The following TTC9B variants were observed in gnomAD, a reference collection of about 807,000 sequenced individuals.
The protein encoded by TTC9B is tetratricopeptide repeat protein 9B.
A neutral mutation model predicts 19.4 loss-of-function variants in TTC9B; 12 were observed. The ratio of observed to expected loss-of-function variants is 0.62; its 90% CI spans 0.40 to 1.00. The LOEUF is 1.00. Ranked by LOEUF, TTC9B falls within the 50% of genes least tolerant of loss-of-function variation. The pLI is 0.00. For missense variants in TTC9B, 316 were observed against 345.2 expected (o/e 0.92, Z 0.67); for synonymous variants, 156 against 158.6 (o/e 0.98, Z 0.12).
chr19:40,217,100 C>T (rs1413565019), intron 2 of TTC9B, 87 bp downstream of exon 2: 7 of 1,445,262 alleles, frequency 4.8e-6, no homozygotes, highest in African/African-American at 4.2e-5. Context: ...TGCTATTCTG[C>T]CCTGATCTTC....
rs74724311 is a variant in TTC9B, at chr19:40,217,094, A to G, written c.610+93T>C. On this transcript the variant is annotated intron_variant, in intron 2 of 2. Coordinates refer to ENST00000311308, the MANE Select transcript of TTC9B (RefSeq NM_152479.6). Reference sequence around the variant, plus strand: ...AGCTCCGCGGGAGGAGGGCTCTGCTATTCTGCCCTGATCTTCCTGCCTGTT... The same window carrying G: ...AGCTCCGCGGGAGGAGGGCTCTGCTGTTCTGCCCTGATCTTCCTGCCTGTT... 7,493 of 1,408,182 alleles carry G rather than the reference A, an allele frequency of 5.3e-3. 38 individuals carry two copies. The highest frequency in any genetic ancestry group is 0.025 in the African/African-American group (1,761 of 70,780). The allele number at this position is 1,408,182 out of a possible 1,614,324, so 87.2% of individuals were successfully genotyped here.
At chr19:40,217,627 G>A (rs1973388043) in intron 1 of TTC9B, 3 of 532,008 alleles carry the variant, frequency 5.6e-6, no homozygotes, top group Non-Finnish European at 9.8e-6. Flanking sequence ...CCGCGCGGGG[G>A]CGAGGGCCGG....
At position 40,217,233 on chromosome 19, in the gene TTC9B, T is replaced by C. The variant is rs778891545; in HGVS notation, c.564A>G (p.Ala188=). The change falls in exon 2 of 3, where the codon GCA becomes GCG. Residue 188 remains alanine (A), a synonymous_variant. Transcript: ENST00000311308. ...CCTCCTGCAGGTAGCGCAGCGCGCG[T>C]GCGTAGTCGCCCAGGTGGTAGAAGG... ...GIAFYHLGDY[A]RALRYLQEAR... is the part of the protein sequence containing the mutation. The C allele has an allele frequency of 1.9e-6, 3 of 1,613,860 alleles. No homozygotes were observed. In the South Asian group the frequency reaches 3.3e-5, roughly 18 times the overall value.
chr19:40,217,053 A>G, intron 2 of TTC9B, 134 bp downstream of exon 2: 1 of 987,006 alleles, frequency 1.0e-6, no homozygotes, highest in East Asian at 2.6e-5. Context: ...TGGGTGGCGC[A>G]GCCCTACCTA....
intron 1 of TTC9B, chr19:40,217,582 A>C (rs891989305): frequency 2.4e-5 from 15 of 624,868 alleles, no homozygotes; most frequent in Non-Finnish European, 3.5e-5. Flanking sequence ...TGGGCGATCC[A>C]CCCAGAGCTG....
rs1285484666 is a variant in TTC9B, at chr19:40,218,033, G to A, written c.349C>T (p.Pro117Ser). The change falls in exon 1 of 3, where the codon CCC (proline) becomes TCC (serine). Residue 117 changes from proline to serine, a missense_variant. Coordinates refer to ENST00000311308, the MANE Select transcript of TTC9B (RefSeq NM_152479.6). The surrounding 1 kb of genome is among the most constrained non-coding windows in gnomAD (Gnocchi z 4.2). ...PAPAPGPTSSPGPARLSEEQR... is the reference protein window; with the variant it reads ...PAPAPGPTSSSGPARLSEEQR... ...TCCTCGCTGAGGCGCGCCGGCCCGG[G>A]GCTGCTGGTGGGCCCGGGGGCGGGG... 1.3e-6 allele frequency: 2 copies of A among 1,484,908 alleles called. No individual in the cohort carries two copies. Among genetic ancestry groups the A allele is most frequent in the Admixed American group, 2.4e-5 (1 of 40,912 alleles). 92.0% of individuals were successfully genotyped at this position (1,484,908 alleles called of 1,614,324 possible).
chr19:40,218,266 T>C lies in TTC9B; in HGVS notation c.116A>G (p.His39Arg). 1.4e-6 allele frequency: 2 copies of C among 1,481,344 alleles called. No homozygotes were observed. The highest frequency in any genetic ancestry group is 1.3e-5 in the South Asian group (1 of 76,396). The allele number at this position is 1,481,344 out of a possible 1,614,324, so 91.8% of individuals were successfully genotyped here. The change falls in exon 1 of 3, where the codon CAT becomes CGT. Residue 39 changes from histidine (H) to arginine (R), a missense_variant. Coordinates refer to ENST00000311308, the MANE Select transcript of TTC9B (RefSeq NM_152479.6). This position sits in a 1 kb window ranked among gnomAD's most constrained non-coding sequence, Gnocchi z 4.2. ...GGTAGGACCGGGACGAGCCGAGCCA[T>C]GGCGGGAGCCCGAGCCTGGGCCCGA... ...PGSGPGSGSRHGSARPGPTPE... is the reference protein window; with the variant it reads ...PGSGPGSGSRRGSARPGPTPE...
At position 40,217,993 on chromosome 19, in the gene TTC9B, A is replaced by G. The variant is rs1183641470; in HGVS notation, c.389T>C (p.Val130Ala). 2.2e-6 allele frequency: 3 copies of G among 1,394,968 alleles called. No homozygotes were observed. Among genetic ancestry groups the G allele is most frequent in the Non-Finnish European group, 2.8e-6 (3 of 1,080,880 alleles). 86.4% of individuals were successfully genotyped at this position (1,394,968 alleles called of 1,614,324 possible). Residue 130 changes from valine (V) to alanine (A), a missense_variant, in exon 1 of 3, where the codon GTG (valine) becomes GCG (alanine). Physicochemically the swap from Val to Ala is moderately conservative, Grantham distance 64. Transcript: ENST00000311308. ...ARLSEEQRRL[V>A]ESTEVECYDS... Reference sequence around the variant, plus strand: ...GTAACACTCCACCTCCGTGCTCTCCACCAGGCGCCGCTGCTCCTCGCTGAG... The same window carrying G: ...GTAACACTCCACCTCCGTGCTCTCCGCCAGGCGCCGCTGCTCCTCGCTGAG...
rs371103437 is a variant in TTC9B at position 40,216,116 on chromosome 19, T to C, written c.*47A>G. On this transcript the variant is annotated 3_prime_UTR_variant, in exon 3 of 3. Transcript: ENST00000311308. ...AACACATGAGTCGGGGGAAGTTACA[T>C]GGTGAGGTGGGAGGGCGAGGGATAG... The C allele has an allele frequency of 4.3e-5, 63 of 1,453,872 alleles. No individual in the cohort carries two copies. The highest frequency in any genetic ancestry group is 5.6e-5 in the Non-Finnish European group (58 of 1,034,560). The allele number at this position is 1,453,872 out of a possible 1,614,324, so 90.1% of individuals were successfully genotyped here.
Position 40,218,114 on chromosome 19 carries a change from G to C in TTC9B, c.268C>G (p.Arg90Gly). The change falls in exon 1 of 3, where the codon CGA becomes GGA. Residue 90 changes from arginine to glycine, a missense_variant. Physicochemically the swap from Arg to Gly is moderately radical, Grantham distance 125. Transcript: ENST00000311308. This position sits in a 1 kb window ranked among gnomAD's most constrained non-coding sequence, Gnocchi z 4.2. ...GCCGCCTTCAGCTGCAGCAGCGCTC[G>C]GTGGTACTTGCCGATGGCCTCCCGG... ...KFREAIGKYH[R>G]ALLQLKAAQG... 1 of 1,569,738 alleles carries C rather than the reference G, an allele frequency of 6.4e-7. No homozygotes were observed. The highest frequency in any genetic ancestry group is 8.6e-7 in the Non-Finnish European group (1 of 1,163,048).
chr19:40,218,124 G>A lies in TTC9B; in HGVS notation c.258C>T (p.Gly86=). 1.3e-6 allele frequency: 2 copies of A among 1,571,452 alleles called. No homozygotes were observed. Among genetic ancestry groups the A allele is most frequent in the Non-Finnish European group, 8.6e-7 (1 of 1,163,694 alleles). The change falls in exon 1 of 3, where the codon GGC becomes GGT. Residue 86 remains glycine (G), a synonymous_variant. Coordinates refer to ENST00000311308, the MANE Select transcript of TTC9B (RefSeq NM_152479.6). This position sits in a 1 kb window ranked among gnomAD's most constrained non-coding sequence, Gnocchi z 4.2. ...GCTGCAGCAGCGCTCGGTGGTACTT[G>A]CCGATGGCCTCCCGGAACTTCTTCT... is the stretch of plus-strand genomic sequence containing the variant. The part of the protein sequence containing the change: ...YREKKFREAI[G]KYHRALLQLK...
chr19:40,218,170 T>C lies in TTC9B; in HGVS notation c.212A>G (p.Glu71Gly). Residue 71 changes from glutamate (E) to glycine (G), a missense_variant, in exon 1 of 3, where the codon GAG becomes GGG. Glu to Gly is a moderately conservative substitution (Grantham distance 98). Transcript: ENST00000311308. This position sits in a 1 kb window ranked among gnomAD's most constrained non-coding sequence, Gnocchi z 4.2. ...SLRAAVAFKA[E>G]GQRCYREKKF... ...CTTCTCTCGATAGCAGCGCTGGCCC[T>C]CTGCCTTGAACGCCACGGCGGCACG... 1 of 1,577,256 alleles carries C rather than the reference T, an allele frequency of 6.3e-7. No individual in the cohort carries two copies. Among genetic ancestry groups the C allele is most frequent in the Non-Finnish European group, 8.6e-7 (1 of 1,165,696 alleles).
chr19:40,216,924 A>C (rs1335864219), intron 2 of TTC9B: 1 of 578,606 alleles, frequency 1.7e-6, no homozygotes, highest in Admixed American at 3.0e-5. Context: ...CAGATGTGGC[A>C]ATGACGGTAG....
rs781352523 is a variant in TTC9B, at chr19:40,218,059, G to T, written c.323C>A (p.Ala108Asp). The change falls in exon 1 of 3, where the codon GCC becomes GAC. Residue 108 changes from alanine to aspartate, a missense_variant. Ala to Asp is a moderately radical substitution (Grantham distance 126, BLOSUM62 -2). Transcript: ENST00000311308. The surrounding 1 kb of genome is among the most constrained non-coding windows in gnomAD (Gnocchi z 4.2). ...AQGARPSGLPAPAPGPTSSPG... is the reference protein window; with the variant it reads ...AQGARPSGLPDPAPGPTSSPG... Reference sequence around the variant, plus strand: ...GCTGCTGGTGGGCCCGGGGGCGGGGGCGGGCAGGCCGCTAGGGCGGGCCCC... The same window carrying T: ...GCTGCTGGTGGGCCCGGGGGCGGGGTCGGGCAGGCCGCTAGGGCGGGCCCC... 1.6e-5 allele frequency: 24 copies of T among 1,520,640 alleles called. No homozygotes were observed. In the East Asian group the frequency reaches 6.5e-4, roughly 41 times the overall value. 94.2% of individuals were successfully genotyped at this position (1,520,640 alleles called of 1,614,324 possible). A position where few individuals can be genotyped will look rare whatever the true frequency, so the allele number is the denominator to read the frequency against.
At chr19:40,216,310 C>T (rs752505543) in intron 2 of TTC9B, 38 bp from the exon 3 acceptor site, 10 of 1,563,118 alleles carry the variant, frequency 6.4e-6, no homozygotes, top group East Asian at 2.2e-5. Flanking sequence ...CTGGGTGTCC[C>T]GGGGCAGCAG....
At chr19:40,216,908 A>G (rs959025556) in intron 2 of TTC9B, 1 of 565,864 alleles carries the variant, frequency 1.8e-6, no homozygotes, top group Non-Finnish European at 3.2e-6. Context: ...GGTGAATAGG[A>G]GATATCAGAT....
In TTC9B at chr19:40,216,478, T is replaced by A. The variant is rs147054856; in HGVS notation, c.611-206A>T. On this transcript the variant is annotated intron_variant, in intron 2 of 2. Coordinates refer to ENST00000311308, the MANE Select transcript of TTC9B (RefSeq NM_152479.6). ...ATCGCACACCTCTGTGCGCCTGTATTTGCGGCACCCTCTGCCAGGAATGCC... is the reference window on the plus strand; with the variant it reads ...ATCGCACACCTCTGTGCGCCTGTATATGCGGCACCCTCTGCCAGGAATGCC... The A allele has an allele frequency of 7.0e-3, 3,901 of 556,990 alleles. 81 individuals carry two copies. The highest frequency in any genetic ancestry group is 3.6e-3 in the Non-Finnish European group (1,116 of 312,874). The allele number at this position is 556,990 out of a possible 1,614,324, so 34.5% of individuals were successfully genotyped here.
chr19:40,216,430 C>A, intron 2 of TTC9B, 158 bp from the exon 3 acceptor site: 1 of 618,762 alleles, frequency 1.6e-6, no homozygotes, highest in Non-Finnish European at 2.9e-6. Flanking sequence ...TCACAGTCGG[C>A]AGTCCCCAGT....
chr19:40,217,326 G>A lies in TTC9B; in HGVS notation c.471C>T (p.Arg157=). 6.2e-7 allele frequency: 1 copy of A among 1,613,928 alleles called. No homozygotes were observed. Among genetic ancestry groups the A allele is most frequent in the Non-Finnish European group, 8.5e-7 (1 of 1,179,928 alleles). ...TCTCCAGTACCTTGAGACAGTACTCGCGCACGCGCTCGTAGTTTACCAGCT... is the reference window on the plus strand; with the variant it reads ...TCTCCAGTACCTTGAGACAGTACTCACGCACGCGCTCGTAGTTTACCAGCT... The part of the protein sequence containing the change: ...QSELVNYERV[R]EYCLKVLEKQ... The change falls in exon 2 of 3, where the codon CGC becomes CGT. Residue 157 remains arginine (R), a synonymous_variant. Coordinates refer to ENST00000311308, the MANE Select transcript of TTC9B (RefSeq NM_152479.6).
Sources: allele counts gnomAD v4.1 joint callset, GRCh38; gene constraint gnomAD v4.1.1; non-coding constraint Gnocchi (gnomAD v3.1); transcripts MANE v1.5; gene names NCBI Gene and HGNC (gene_info 2026-07-23, HGNC 2026-07-21).